The following ANXA6 variants were observed in gnomAD, a reference collection of about 807,000 sequenced individuals.
The protein encoded by ANXA6 is 67 kDa calelectrin.
In ANXA6, 71 loss-of-function variants were observed where a neutral mutation model predicts 95.4. That is an observed-to-expected ratio of 0.74 (90% CI 0.61 to 0.91). The LOEUF (loss-of-function observed/expected upper bound fraction) is 0.91, where lower values mean the gene tolerates loss of function less well. Among genes scored for constraint, ANXA6 ranks in the 40% least tolerant of loss-of-function variants. ANXA6 has a pLI of 0.00. For synonymous variants in ANXA6, 289 were observed against 315.9 expected (o/e 0.91, Z 0.90); for missense variants, 830 against 876.4 (o/e 0.95, Z 0.67).
At chr5:151,146,033 A>G (rs1274909850) in intron 2 of ANXA6, among the ~76,000 whole-genome samples, 1 of 152,076 alleles carries the variant, frequency 6.6e-6, no homozygotes, top group Admixed American at 6.5e-5. Flanking sequence ...GTGCCAACTC[A>G]TCCCATAGGA....
At position 151,100,882 on chromosome 5, in the gene ANXA6, C is replaced by T. The variant is rs994391932; in HGVS notation, c.*566G>A. 3 of 456,230 alleles carry T rather than the reference C, an allele frequency of 6.6e-6. No homozygotes were observed. The highest frequency in any genetic ancestry group is 1.3e-5 in the Non-Finnish European group (3 of 226,996). 28.3% of individuals were successfully genotyped at this position (456,230 alleles called of 1,614,324 possible). ...AGACTCAGGGAGGGAAAGGGGCTGG[C>T]CTAAGGTCAGAAACAAGTGCATGGC... is the stretch of plus-strand genomic sequence containing the variant. On this transcript the variant is annotated 3_prime_UTR_variant, in exon 26 of 26. Coordinates refer to ENST00000354546, the MANE Select transcript of ANXA6 (RefSeq NM_001155.5).
In ANXA6 at chr5:151,124,345, G is replaced by T. The variant is rs779896564; in HGVS notation, c.1079C>A (p.Ala360Asp). 6.2e-7 allele frequency: 1 copy of T among 1,612,544 alleles called. No individual in the cohort carries two copies. Among genetic ancestry groups the T allele is most frequent in the East Asian group, 2.2e-5 (1 of 44,812 alleles). ...RVELKGTVRPANDFNPDADAK... is the reference protein window; with the variant it reads ...RVELKGTVRPDNDFNPDADAK... The stretch of plus-strand genomic sequence containing the variant: ...ATCTGCGTCAGGGTTGAAGTCATTG[G>T]CTGGGCGCACAGTTCCCTTCAGCTG... Residue 360 changes from alanine (A) to aspartate (D), a missense_variant, in exon 15 of 26, where the codon GCC becomes GAC. Physicochemically the swap from Ala to Asp is moderately radical, Grantham distance 126. Transcript: ENST00000354546.
At chr5:151,105,016 A>T (rs1764656847) in intron 24 of ANXA6, among the ~76,000 whole-genome samples, 1 of 152,200 alleles carries the variant, frequency 6.6e-6, no homozygotes, top group African/African-American at 2.4e-5. Context: ...ATGACCAAAA[A>T]TGTGTCTGGA....
At chr5:151,152,712 A>G (rs761805213) in intron 1 of ANXA6, among the ~76,000 whole-genome samples, 36 of 152,162 alleles carry the variant, frequency 2.4e-4, no homozygotes, top group Non-Finnish European at 4.7e-4. Context: ...TCCCATTTTT[A>G]TTTGTTATAC....
rs1455965800 is a variant in ANXA6, at chr5:151,100,986, T to C, written c.*462A>G. The C allele has an allele frequency of 8.7e-6, 4 of 457,944 alleles. No individual in the cohort carries two copies. The highest frequency in any genetic ancestry group is 3.1e-5 in the South Asian group (2 of 64,590). 28.4% of individuals were successfully genotyped at this position (457,944 alleles called of 1,614,324 possible). On this transcript the variant is annotated 3_prime_UTR_variant, in exon 26 of 26. Coordinates refer to ENST00000354546, the MANE Select transcript of ANXA6 (RefSeq NM_001155.5). ...GCCTGGATGGAGATGGGTGGTGAAATGGATGGGAAGATTTGTCAGTTTGCC... is the reference window on the plus strand; with the variant it reads ...GCCTGGATGGAGATGGGTGGTGAAACGGATGGGAAGATTTGTCAGTTTGCC...
chr5:151,155,695 G>GA (rs1766218792), intron 1 of ANXA6: 1 of 152,294 alleles, frequency 6.6e-6, no homozygotes, highest in Non-Finnish European at 1.5e-5. Context: ...GGCCTCCCCA[G>GA]AAAATCCTAG....
chr5:151,126,517 A>C, intron 13 of ANXA6, 37 bp from the exon 14 acceptor site: 3 of 1,523,816 alleles, frequency 2.0e-6, no homozygotes, highest in Non-Finnish European at 2.7e-6. Context: ...ACAGGAAGGA[A>C]TGTCATCATG....
At chr5:151,110,692 CAGA>C (rs1383155274) in intron 20 of ANXA6, 48 bp from the exon 21 acceptor site, 3 of 1,609,356 alleles carry the variant, frequency 1.9e-6, no homozygotes, top group African/African-American at 2.7e-5. Context: ...AGGCAAGAGT[CAGA>C]GGAGGTTGGG....
At chr5:151,129,828 A>G (rs1002084432) in intron 11 of ANXA6, among the ~76,000 whole-genome samples, 1 of 152,196 alleles carries the variant, frequency 6.6e-6, no homozygotes, top group African/African-American at 2.4e-5. Flanking sequence ...CTCCTGCCTC[A>G]GCTTCCTGAG....
intron 20 of ANXA6, among the ~76,000 whole-genome samples, chr5:151,115,356 G>C (rs1298595353): frequency 6.6e-6 from 1 of 152,170 alleles, no homozygotes; most frequent in Non-Finnish European, 1.5e-5. Flanking sequence ...CTTGGGTCTA[G>C]CATCCTAAAT....
chr5:151,104,252 G>T (rs777974903), intron 24 of ANXA6, among the ~76,000 whole-genome samples: 1 of 152,162 alleles, frequency 6.6e-6, no homozygotes, highest in African/African-American at 2.4e-5. Context: ...AGAACTATGA[G>T]AATAAATTTC....
At position 151,136,435 on chromosome 5, in the gene ANXA6, A is replaced by G. The variant is rs1444794688; in HGVS notation, c.410-100T>C. ...CCAAAATGATCAGATATTTTTAAGA[A>G]TTCCAAAACCCAGTCTACACGTCCA... On this transcript the variant is annotated intron_variant, in intron 6 of 25. Coordinates refer to ENST00000354546, the MANE Select transcript of ANXA6 (RefSeq NM_001155.5). 7.7e-6 allele frequency: 9 copies of G among 1,173,536 alleles called. No individual in the cohort carries two copies. The East Asian group carries it at 2.0e-4, about 26-fold the overall frequency. The allele number at this position is 1,173,536 out of a possible 1,614,324, so 72.7% of individuals were successfully genotyped here. A position where few individuals can be genotyped will look rare whatever the true frequency, so the allele number is the denominator to read the frequency against.
Position 151,105,413 on chromosome 5 carries a change from AG to A in ANXA6, c.1781-111del, listed in dbSNP as rs548558963. On this transcript the variant is annotated intron_variant, in intron 23 of 25. Transcript: ENST00000354546. Reference sequence around the variant, plus strand: ...CTCGTCTATCCCTGCATGGGTCTGCAGATCATTGTCAACCCCAGGGTCATGC... The same window carrying A: ...CTCGTCTATCCCTGCATGGGTCTGCAATCATTGTCAACCCCAGGGTCATGC... 936 of 925,486 alleles carry A rather than the reference AG, an allele frequency of 1.0e-3. 2 individuals are homozygous for A. The highest frequency in any genetic ancestry group is 1.5e-3 in the Non-Finnish European group (878 of 567,776). 57.3% of individuals were successfully genotyped at this position (925,486 alleles called of 1,614,324 possible).
At chr5:151,157,205 A>C (rs1582026205) in intron 1 of ANXA6, among the ~76,000 whole-genome samples, 1 of 152,052 alleles carries the variant, frequency 6.6e-6, no homozygotes, top group Admixed American at 6.5e-5. Context: ...CCCTCCCCCG[A>C]CACCACACAC....
chr5:151,148,054 A>C, intron 1 of ANXA6, 128 bp from the exon 2 acceptor site: 1 of 863,280 alleles, frequency 1.2e-6, no homozygotes, highest in Non-Finnish European at 1.9e-6. Flanking sequence ...AGACCCAATG[A>C]CCCAGCTCAA....
chr5:151,105,427 C>A (rs1185261105), intron 23 of ANXA6, 124 bp from the exon 24 acceptor site: 1 of 817,904 alleles, frequency 1.2e-6, no homozygotes, highest in East Asian at 2.6e-5. Flanking sequence ...CATTGTCAAC[C>A]CCAGGGTCAT....
chr5:151,135,359 A>C (rs3811989), intron 7 of ANXA6, among the ~76,000 whole-genome samples: 23,454 of 152,256 alleles, frequency 0.15, 1,907 homozygotes, highest in South Asian at 0.21. Flanking sequence ...AATGGGGCAC[A>C]GGTCACACTG....
chr5:151,128,234 G>A lies in ANXA6; in HGVS notation c.924C>T (p.Asp308=). Residue 308 remains aspartate (D), a synonymous_variant, in exon 13 of 26, where the codon GAC becomes GAT. Transcript: ENST00000354546. ...GAGTCTTCTTGTACTCGCCAGAGGT[G>A]TCATTCTGAAGAGAAAGAAAGAAAG... ...EKSLYSMIKN[D]TSGEYKKTLL... 1.2e-6 allele frequency: 2 copies of A among 1,610,484 alleles called. No homozygotes were observed. Among genetic ancestry groups the A allele is most frequent in the Admixed American group, 1.7e-5 (1 of 59,650 alleles).
chr5:151,138,632 T>C (rs1765736345), intron 5 of ANXA6, 46 bp downstream of exon 5: 2 of 1,421,704 alleles, frequency 1.4e-6, no homozygotes. Flanking sequence ...AATCTTCCCA[T>C]TAACCACATC....
Sources: gnomAD v4.1 joint callset for allele counts (sites outside exome capture counted in the v4.1 genomes callset) on GRCh38, gnomAD v4.1.1 for gene constraint, MANE v1.5 for transcripts, NCBI Gene and HGNC (gene_info 2026-07-23, HGNC 2026-07-21) for gene names.